The following PPP6R3 variants were observed in gnomAD, a reference collection of about 807,000 sequenced individuals.
PPP6R3 encodes serine/threonine-protein phosphatase 6 regulatory subunit 3.
In PPP6R3, 38 loss-of-function variants were observed where a neutral mutation model predicts 110.7. The ratio of observed to expected loss-of-function variants is 0.34; its 90% confidence interval spans 0.26 to 0.45. The LOEUF is 0.45. Among genes scored for constraint, PPP6R3 ranks in the 20% least tolerant of loss-of-function variants. The probability of loss-of-function intolerance (pLI) is 1.00; values close to 1 mark genes in which losing one functional copy is unlikely to be tolerated. For missense variants in PPP6R3, 870 were observed against 1,062.4 expected (o/e 0.82, Z 2.52); for synonymous variants, 369 against 373.5 (o/e 0.99, Z 0.14).
At chr11:68,527,542 A>G (rs1038489345) in intron 2 of PPP6R3, among the ~76,000 whole-genome samples, 2 of 152,244 alleles carry the variant, frequency 1.3e-5, no homozygotes, top group African/African-American at 4.8e-5. Context: ...TTTGTAGGAA[A>G]TACGAACTCT....
Position 68,554,241 on chromosome 11 carries a change from C to T in PPP6R3, c.715C>T (p.Leu239Phe). The change falls in exon 7 of 24, where the codon CTT (leucine) becomes TTT (phenylalanine). Residue 239 changes from leucine (L) to phenylalanine (F), a missense_variant. By Grantham distance (22) the Leu-to-Phe change is conservative. Coordinates refer to ENST00000393800, the MANE Select transcript of PPP6R3 (RefSeq NM_001164161.2). ...IQNSTEPDPLLATLEKQEIIE... is the reference protein window; with the variant it reads ...IQNSTEPDPLFATLEKQEIIE... ...GAACAGTACAGAGCCCGACCCCCTGCTTGCCACTCTAGAAAAGTATGTGTA... is the reference window on the plus strand; with the variant it reads ...GAACAGTACAGAGCCCGACCCCCTGTTTGCCACTCTAGAAAAGTATGTGTA... 6.2e-7 allele frequency: 1 copy of T among 1,611,240 alleles called. No individual in the cohort carries two copies. Among genetic ancestry groups the T allele is most frequent in the Non-Finnish European group, 8.5e-7 (1 of 1,177,934 alleles).
At position 68,614,288 on chromosome 11, in the gene PPP6R3, T is replaced by C. The variant is rs904982839; in HGVS notation, c.*1171T>C. The C allele has an allele frequency of 9.6e-6, 10 of 1,040,350 alleles. No individual in the cohort carries two copies. Among genetic ancestry groups the C allele is most frequent in the Non-Finnish European group, 1.2e-5 (10 of 864,258 alleles). 64.4% of individuals were successfully genotyped at this position (1,040,350 alleles called of 1,614,324 possible). ...GATACTAATTCAATGTAATTTATAATTTTCTATGTCAATACAAAAATACAT... is the reference window on the plus strand; with the variant it reads ...GATACTAATTCAATGTAATTTATAACTTTCTATGTCAATACAAAAATACAT... On this transcript the variant is annotated 3_prime_UTR_variant, in exon 24 of 24. Transcript: ENST00000393800.
chr11:68,585,065 T>C (rs1187953526), intron 15 of PPP6R3, among the ~76,000 whole-genome samples: 1 of 152,218 alleles, frequency 6.6e-6, no homozygotes, highest in Non-Finnish European at 1.5e-5. Context: ...AGTCCCCGAA[T>C]GTAGAGAGCT....
At chr11:68,496,600 G>C (rs1772078421) in intron 1 of PPP6R3, among the ~76,000 whole-genome samples, 1 of 151,990 alleles carries the variant, frequency 6.6e-6, no homozygotes, top group Admixed American at 6.6e-5. Context: ...AGCCTCCTGA[G>C]TAGCTGGGAT....
At chr11:68,464,391 A>G (rs1489948547) in intron 1 of PPP6R3, among the ~76,000 whole-genome samples, 1 of 152,098 alleles carries the variant, frequency 6.6e-6, no homozygotes, top group East Asian at 1.9e-4. Flanking sequence ...GGCCTCCCAA[A>G]GTGCTGGGAT....
At chr11:68,598,540 C>G (rs1246731004) in intron 19 of PPP6R3, among the ~76,000 whole-genome samples, 1 of 152,174 alleles carries the variant, frequency 6.6e-6, no homozygotes, top group Non-Finnish European at 1.5e-5. Flanking sequence ...TCTGGAGACA[C>G]AAGTGGGTAG....
chr11:68,598,008 A>G (rs1289508745), intron 19 of PPP6R3, among the ~76,000 whole-genome samples: 2 of 152,018 alleles, frequency 1.3e-5, no homozygotes, highest in South Asian at 2.1e-4. Flanking sequence ...GTTCAGTAGT[A>G]TATTCACACT....
intron 6 of PPP6R3, among the ~76,000 whole-genome samples, chr11:68,552,753 A>G (rs1178433025): frequency 6.6e-6 from 1 of 152,182 alleles, no homozygotes; most frequent in African/African-American, 2.4e-5. Context: ...ACTCCTTGCT[A>G]GGTTCATGTT....
intron 21 of PPP6R3, among the ~76,000 whole-genome samples, chr11:68,602,178 C>A (rs1209990744): frequency 6.6e-6 from 1 of 152,182 alleles, no homozygotes; most frequent in Non-Finnish European, 1.5e-5. Context: ...AGTTACCAGG[C>A]ATGCAGTGTG....
intron 3 of PPP6R3, among the ~76,000 whole-genome samples, chr11:68,542,772 T>C (rs1420402472): frequency 6.6e-6 from 1 of 152,214 alleles, no homozygotes; most frequent in Non-Finnish European, 1.5e-5. Context: ...TCTGAGCTTT[T>C]TGTGTAATGG....
At chr11:68,466,588 G>A (rs1487195793) in intron 1 of PPP6R3, among the ~76,000 whole-genome samples, 1 of 151,706 alleles carries the variant, frequency 6.6e-6, no homozygotes, top group Non-Finnish European at 1.5e-5. Flanking sequence ...ACAGGGGCCG[G>A]CCACCATGCC....
At chr11:68,591,454 G>A (rs1052906820) in intron 17 of PPP6R3, 122 bp from the exon 18 acceptor site, 5 of 839,266 alleles carry the variant, frequency 6.0e-6, no homozygotes, top group Admixed American at 6.9e-5. Flanking sequence ...TTATTTTGGT[G>A]TATGTGATAG....
chr11:68,606,592 AG>A (rs1940168523), intron 22 of PPP6R3, among the ~76,000 whole-genome samples: 1 of 151,854 alleles, frequency 6.6e-6, no homozygotes, highest in African/African-American at 2.4e-5. Context: ...CTGGGATTAC[AG>A]ATGTGAGCCA....
Position 68,569,728 on chromosome 11 carries a change from A to G in PPP6R3, c.1129-20A>G, listed in dbSNP as rs201905572. ...AAACATTGAGGTAACCGAATAAAAC[A>G]TGGTTTTTCTTTTTTGTAGAACATG... On this transcript the variant is annotated intron_variant, in intron 10 of 23. Transcript: ENST00000393800. 6.5e-4 allele frequency: 1,018 copies of G among 1,558,434 alleles called. No homozygotes were observed. The highest frequency in any genetic ancestry group is 8.3e-4 in the Non-Finnish European group (949 of 1,143,492).
chr11:68,545,061 GA>G, intron 4 of PPP6R3, 37 bp downstream of exon 4: 1 of 1,490,140 alleles, frequency 6.7e-7, no homozygotes, highest in Non-Finnish European at 9.3e-7. Context: ...TATTAGGGCT[GA>G]TCATCCCCTT....
intron 3 of PPP6R3, among the ~76,000 whole-genome samples, chr11:68,542,393 T>TTTTTTTTTTTTTG (rs2099322964): frequency 1.0e-5 from 1 of 99,526 alleles, no homozygotes; most frequent in African/African-American, 4.0e-5. Flanking sequence ...GCTGCTGTTT[T>TTTTTTTTTTTTTG]TTTTTTTTTT....
intron 1 of PPP6R3, among the ~76,000 whole-genome samples, chr11:68,470,071 C>G (rs1004611708): frequency 6.6e-6 from 1 of 152,172 alleles, no homozygotes; most frequent in Non-Finnish European, 1.5e-5. Context: ...ATGTCTTAAA[C>G]ACTGTTCTAC....
At position 68,600,449 on chromosome 11, in the gene PPP6R3, A is replaced by C. The variant is rs1238086910; in HGVS notation, c.2147A>C (p.Lys716Thr). ...AGCACAGAGGAGCCGATGCCAACTA[A>C]AGAGACGGGCTGGGCTTCTTTTTCA... is the stretch of plus-strand genomic sequence containing the variant. ...VWSTEEPMPT[K>T]ETGWASFSEF... The change falls in exon 20 of 24, where the codon AAA becomes ACA. Residue 716 changes from lysine (K) to threonine (T), a missense_variant. By Grantham distance (78) the Lys-to-Thr change is moderately conservative. Coordinates refer to ENST00000393800, the MANE Select transcript of PPP6R3 (RefSeq NM_001164161.2). The C allele has an allele frequency of 6.2e-7, 1 of 1,614,062 alleles. No homozygotes were observed. Among genetic ancestry groups the C allele is most frequent in the South Asian group, 1.1e-5 (1 of 91,066 alleles).
At chr11:68,480,545 C>T (rs189062705) in intron 1 of PPP6R3, among the ~76,000 whole-genome samples, 2 of 152,316 alleles carry the variant, frequency 1.3e-5, no homozygotes, top group East Asian at 3.9e-4. Context: ...CCTAGCTTTG[C>T]ATTTAAAGAG....
Sources: allele counts gnomAD v4.1 joint callset (sites outside exome capture counted in the v4.1 genomes callset), GRCh38; gene constraint gnomAD v4.1.1; transcripts MANE v1.5; gene names NCBI Gene and HGNC (gene_info 2026-07-23, HGNC 2026-07-21).